Variants in RBMXL3 observed in about 807,000 individuals in gnomAD.
The protein encoded by RBMXL3 is RBMX like 3.
RBMXL3 carries 2 observed loss-of-function variants against 0.8 expected under a neutral mutation model. That is an observed-to-expected ratio of 2.54 (90% CI 1.04 to 8.00). The LOEUF is 8.00. RBMXL3 is among the 30% of genes most tolerant of loss of function. The probability of loss-of-function intolerance (pLI) is 0.04; values close to 1 mark genes in which losing one functional copy is unlikely to be tolerated. For synonymous variants in RBMXL3, 447 were observed against 449.8 expected (o/e 0.99, Z 0.08); for missense variants, 1,127 against 1,068.0 (o/e 1.06, Z -0.77).
At position 115,192,419 on chromosome X, in the gene RBMXL3, C is replaced by T. The variant is rs1410987125; in HGVS notation, c.2978C>T (p.Ala993Val). 2 of 1,165,076 alleles carry T rather than the reference C, an allele frequency of 1.7e-6. No homozygotes were observed. Among genetic ancestry groups the T allele is most frequent in the Non-Finnish European group, 2.3e-6 (2 of 871,327 alleles). Residue 993 changes from alanine (A) to valine (V), a missense_variant, in exon 1 of 1, where the codon GCC becomes GTC. Transcript: ENST00000424776. ...GAGTACCAGGGCAGCTTGCCTGACG[C>T]CTACAGCGGCGACCACGACAGATCC... ...YEEYQGSLPD[A>V]YSGDHDRSSN...
chrX:115,192,327 G>T lies in RBMXL3; in HGVS notation c.2886G>T (p.Gly962=). The T allele has an allele frequency of 9.3e-7, 1 of 1,079,077 alleles. No individual in the cohort carries two copies. The highest frequency in any genetic ancestry group is 1.9e-5 in the African/African-American group (1 of 53,751). 88.9% of individuals were successfully genotyped at this position (1,079,077 alleles called of 1,213,427 possible). A position where few individuals can be genotyped will look rare whatever the true frequency, so the allele number is the denominator to read the frequency against. The change falls in exon 1 of 1, where the codon GGG becomes GGT. Residue 962 remains glycine (G), a synonymous_variant. Coordinates refer to ENST00000424776, the MANE Select transcript of RBMXL3 (RefSeq NM_001145346.2). ...YRGPSPDAHS[G]GRDSSIKSYG... The stretch of plus-strand genomic sequence containing the variant: ...GCCCCTCGCCTGACGCCCACAGTGG[G>T]GGCCGCGACAGTTCCATCAAGAGTT...
In RBMXL3 at chrX:115,191,690, C is replaced by T. The variant is rs1556559876; in HGVS notation, c.2249C>T (p.Ala750Val). 2 of 1,163,865 alleles carry T rather than the reference C, an allele frequency of 1.7e-6. No individual in the cohort carries two copies. The highest frequency in any genetic ancestry group is 1.1e-6 in the Non-Finnish European group (1 of 872,071). Residue 750 changes from alanine (A) to valine (V), a missense_variant, in exon 1 of 1, where the codon GCC becomes GTC. Physicochemically the swap from Ala to Val is moderately conservative, Grantham distance 64. Coordinates refer to ENST00000424776, the MANE Select transcript of RBMXL3 (RefSeq NM_001145346.2). ...HYGGGGRSLD[A>V]NSSGRLPDAY... is the part of the protein sequence containing the mutation. Reference sequence around the variant, plus strand: ...GGAGGAGGAGGTCGCTCACTCGATGCCAACAGCAGTGGCCGCTTGCCTGAC... The same window carrying T: ...GGAGGAGGAGGTCGCTCACTCGATGTCAACAGCAGTGGCCGCTTGCCTGAC...
Position 115,192,128 on chromosome X carries a change from G to A in RBMXL3, c.2687G>A (p.Ser896Asn), listed in dbSNP as rs924912527. The change falls in exon 1 of 1, where the codon AGT becomes AAT. Residue 896 changes from serine to asparagine, a missense_variant. Physicochemically the swap from Ser to Asn is conservative, Grantham distance 46. Transcript: ENST00000424776. ...YTEAYSRGRD[S>N]FSNSYGRSDH... is the part of the protein sequence containing the mutation. ...GAAGCCTACAGCAGGGGCCGCGACA[G>A]TTTCAGCAACAGCTATGGCCGGAGT... 4 of 1,166,232 alleles carry A rather than the reference G, an allele frequency of 3.4e-6. No homozygotes were observed. Among genetic ancestry groups the A allele is most frequent in the African/African-American group, 1.8e-5 (1 of 55,802 alleles).
At position 115,192,372 on chromosome X, in the gene RBMXL3, CGGA is replaced by C; in HGVS notation, c.2940_2942del (p.Gly981del). 4.3e-6 allele frequency: 5 copies of C among 1,159,043 alleles called. No individual in the cohort carries two copies. The highest frequency in any genetic ancestry group is 4.6e-6 in the Non-Finnish European group (4 of 867,300). On this transcript the variant is annotated inframe_deletion, in exon 1 of 1. Coordinates refer to ENST00000424776, the MANE Select transcript of RBMXL3 (RefSeq NM_001145346.2). ...AGAGTTACGGCCTGAGCGACCGCTA[CGGA>C]GGAGGAGGCCACTACGAGGAGTACC...
chrX:115,190,606 T>C lies in RBMXL3; in HGVS notation c.1165T>C (p.Tyr389His), dbSNP rs2072786801. 9.9e-6 allele frequency: 2 copies of C among 202,411 alleles called. No homozygotes were observed. The highest frequency in any genetic ancestry group is 1.6e-5 in the Non-Finnish European group (2 of 125,546). The allele number at this position is 202,411 out of a possible 1,213,427, so 16.7% of individuals were successfully genotyped here. ...RSDRYGEEGC[Y>H]EEYRGRSPDA... ...TGACCGCTACGGAGAAGAAGGCTGCTACGAGGAGTACAGAGGCCGCTCGCC... is the reference window on the plus strand; with the variant it reads ...TGACCGCTACGGAGAAGAAGGCTGCCACGAGGAGTACAGAGGCCGCTCGCC... The change falls in exon 1 of 1, where the codon TAC (tyrosine) becomes CAC (histidine). Residue 389 changes from tyrosine to histidine, a missense_variant. Tyr to His is a moderately conservative substitution (Grantham distance 83). Transcript: ENST00000424776.
rs868908263 is a variant in RBMXL3 at position 115,190,814 on chromosome X, G to T, written c.1373G>T (p.Ser458Ile). 1.7e-6 allele frequency: 2 copies of T among 1,155,378 alleles called. No individual in the cohort carries two copies. The highest frequency in any genetic ancestry group is 3.6e-5 in the African/African-American group (2 of 55,240). Reference protein sequence around the residue: ...SDDAYSGGHDSSSWSDCCGGG... With the variant: ...SDDAYSGGHDISSWSDCCGGG... ...GACGCCTACAGTGGGGGCCATGACAGTTCCAGCTGGAGCGACTGCTGCGGA... is the reference window on the plus strand; with the variant it reads ...GACGCCTACAGTGGGGGCCATGACATTTCCAGCTGGAGCGACTGCTGCGGA... The change falls in exon 1 of 1, where the codon AGT (serine) becomes ATT (isoleucine). Residue 458 changes from serine (S) to isoleucine (I), a missense_variant. Coordinates refer to ENST00000424776, the MANE Select transcript of RBMXL3 (RefSeq NM_001145346.2).
At position 115,192,621 on chromosome X, in the gene RBMXL3, G is replaced by A; in HGVS notation, c.3180G>A (p.Arg1060=). The stretch of plus-strand genomic sequence containing the variant: ...GCCGTCAAGGAGGCCGCTTCGAGAG[G>A]GGGGAAGGCCGGAGCAGATACTAAG... ...GGGRQGGRFE[R]GEGRSRY The change falls in exon 1 of 1, where the codon AGG becomes AGA. Residue 1060 remains arginine (R), a synonymous_variant. Coordinates refer to ENST00000424776, the MANE Select transcript of RBMXL3 (RefSeq NM_001145346.2). The A allele has an allele frequency of 1.7e-6, 2 of 1,170,701 alleles. No homozygotes were observed. Among genetic ancestry groups the A allele is most frequent in the Non-Finnish European group, 2.3e-6 (2 of 874,457 alleles).
Position 115,191,880 on chromosome X carries a change from A to T in RBMXL3, c.2439A>T (p.Arg813Ser), listed in dbSNP as rs1332681132. Residue 813 changes from arginine (R) to serine (S), a missense_variant, in exon 1 of 1, where the codon AGA becomes AGT. Physicochemically the swap from Arg to Ser is moderately radical, Grantham distance 110 (BLOSUM62 -1). Coordinates refer to ENST00000424776, the MANE Select transcript of RBMXL3 (RefSeq NM_001145346.2). ...GTTCCAGCCGGAACGACCCCTGCAG[A>T]GGAGGAGGCCGCTACGAGGAGAACC... ...HNSSSRNDPC[R>S]GGGRYEENRG... 6.9e-6 allele frequency: 8 copies of T among 1,159,227 alleles called. No homozygotes were observed. In the East Asian group the frequency reaches 2.3e-4, roughly 33 times the overall value.
Position 115,191,890 on chromosome X carries a change from C to T in RBMXL3, c.2449C>T (p.Arg817Cys), listed in dbSNP as rs782772532. Reference protein sequence around the residue: ...SRNDPCRGGGRYEENRGHSLD... With the variant: ...SRNDPCRGGGCYEENRGHSLD... ...GAACGACCCCTGCAGAGGAGGAGGCCGCTACGAGGAGAACCGAGGTCACTC... is the reference window on the plus strand; with the variant it reads ...GAACGACCCCTGCAGAGGAGGAGGCTGCTACGAGGAGAACCGAGGTCACTC... The change falls in exon 1 of 1, where the codon CGC becomes TGC. Residue 817 changes from arginine to cysteine, a missense_variant. Physicochemically the swap from Arg to Cys is radical, Grantham distance 180. Transcript: ENST00000424776. 6.9e-6 allele frequency: 8 copies of T among 1,162,673 alleles called. No homozygotes were observed. Among genetic ancestry groups the T allele is most frequent in the African/African-American group, 3.7e-5 (2 of 54,550 alleles).
chrX:115,189,704 C>T lies in RBMXL3; in HGVS notation c.263C>T (p.Ala88Val). 8.6e-7 allele frequency: 1 copy of T among 1,167,768 alleles called. No homozygotes were observed. Among genetic ancestry groups the T allele is most frequent in the Non-Finnish European group, 1.1e-6 (1 of 873,060 alleles). Residue 88 changes from alanine (A) to valine (V), a missense_variant, in exon 1 of 1, where the codon GCA becomes GTA. Ala to Val is a moderately conservative substitution (Grantham distance 64). Transcript: ENST00000424776. ...ATGGTGGCCCAGACCATCAAACCGGCATTCAAGAGCAGCCGATGGGTCCCG... is the reference window on the plus strand; with the variant it reads ...ATGGTGGCCCAGACCATCAAACCGGTATTCAAGAGCAGCCGATGGGTCCCG... ...AIMVAQTIKP[A>V]FKSSRWVPPT...
chrX:115,192,239 CCAA>C lies in RBMXL3; in HGVS notation c.2804_2806del (p.Asn935del), dbSNP rs781912579. ...GGCGGGGGCCGCGGCCTCAACAGTT[CCAA>C]CAACAGTCATGGCCGGAGCCACCGC... is the stretch of plus-strand genomic sequence containing the variant. On this transcript the variant is annotated inframe_deletion, in exon 1 of 1. Coordinates refer to ENST00000424776, the MANE Select transcript of RBMXL3 (RefSeq NM_001145346.2). The C allele has an allele frequency of 1.7e-6, 2 of 1,155,549 alleles. No homozygotes were observed. Among genetic ancestry groups the C allele is most frequent in the African/African-American group, 1.8e-5 (1 of 54,588 alleles).
chrX:115,189,945 G>A lies in RBMXL3; in HGVS notation c.504G>A (p.Ser168=), dbSNP rs12848233. 5.5e-5 allele frequency: 64 copies of A among 1,158,994 alleles called. No individual in the cohort carries two copies. The highest frequency in any genetic ancestry group is 4.9e-4 in the Admixed American group (19 of 38,418). Residue 168 remains serine, a synonymous_variant, in exon 1 of 1, where the codon TCG becomes TCA. Transcript: ENST00000424776. ...ASPPHKRATP[S]SLAHSVGCGM... ...CACCCCACAAGAGGGCCACGCCGTC[G>A]AGCCTGGCTCACAGCGTTGGCTGTG...
In RBMXL3 at chrX:115,191,546, A is replaced by G. The variant is rs1306256760; in HGVS notation, c.2105A>G (p.Tyr702Cys). 23 of 1,113,905 alleles carry G rather than the reference A, an allele frequency of 2.1e-5. No homozygotes were observed. Among genetic ancestry groups the G allele is most frequent in the Non-Finnish European group, 2.4e-5 (20 of 843,941 alleles). 91.8% of individuals were successfully genotyped at this position (1,113,905 alleles called of 1,213,427 possible). The change falls in exon 1 of 1, where the codon TAT (tyrosine) becomes TGT (cysteine). Residue 702 changes from tyrosine to cysteine, a missense_variant. Coordinates refer to ENST00000424776, the MANE Select transcript of RBMXL3 (RefSeq NM_001145346.2). ...GHDSSSQSNR[Y>C]GGGGRYEEYR... ...GACAGTTCCAGCCAGAGCAACCGCT[A>G]TGGAGGAGGCGGCCGCTACGAGGAG...
In RBMXL3 at chrX:115,190,392, G is replaced by A. The variant is rs1470554582; in HGVS notation, c.951G>A (p.Trp317Ter). 9.5e-6 allele frequency: 11 copies of A among 1,161,843 alleles called. No individual in the cohort carries two copies. In the Admixed American group the frequency reaches 1.0e-4, roughly 11 times the overall value. The change falls in exon 1 of 1, where the codon TGG (tryptophan) becomes TGA (stop). Residue 317 changes from tryptophan (W) to a stop codon, truncating the protein, a stop_gained. Coordinates refer to ENST00000424776, the MANE Select transcript of RBMXL3 (RefSeq NM_001145346.2). LOFTEE classifies it low-confidence loss of function (END_TRUNC). ...YGGPCGAAPVWGTPPSYGGGC... is the reference protein window; with the variant it reads ...YGGPCGAAPV ...GCCCATGCGGCGCTGCCCCTGTGTG[G>A]GGGACACCGCCATCTTATGGAGGAG...
Position 115,191,135 on chromosome X carries a change from G to C in RBMXL3, c.1694G>C (p.Gly565Ala). ...GGCCGCTCGCATGACGCCCACAGTG[G>C]GGGCTGCTCTGCCGACGCCTACAGT... ...YRGRSHDAHS[G>A]GCSADAYSGG... Residue 565 changes from glycine (G) to alanine (A), a missense_variant, in exon 1 of 1, where the codon GGG becomes GCG. Physicochemically the swap from Gly to Ala is moderately conservative, Grantham distance 60. Transcript: ENST00000424776. The C allele has an allele frequency of 8.6e-7, 1 of 1,166,990 alleles. No homozygotes were observed. The highest frequency in any genetic ancestry group is 1.1e-6 in the Non-Finnish European group (1 of 872,878).
chrX:115,192,779 AT>A lies in RBMXL3; in HGVS notation c.*139del. 1.6e-6 allele frequency: 1 copy of A among 634,100 alleles called. No individual in the cohort carries two copies. Among genetic ancestry groups the A allele is most frequent in the Non-Finnish European group, 2.4e-6 (1 of 418,309 alleles). 52.3% of individuals were successfully genotyped at this position (634,100 alleles called of 1,213,427 possible). A position where few individuals can be genotyped will look rare whatever the true frequency, so the allele number is the denominator to read the frequency against. ...TTAAGAATTTCCTGTTAAGATCTCCATTTTTATGCTTTTGTGAGGAAAAACT... is the reference window on the plus strand; with the variant it reads ...TTAAGAATTTCCTGTTAAGATCTCCATTTTATGCTTTTGTGAGGAAAAACT... On this transcript the variant is annotated 3_prime_UTR_variant, in exon 1 of 1. Coordinates refer to ENST00000424776, the MANE Select transcript of RBMXL3 (RefSeq NM_001145346.2).
rs1556558778 is a variant in RBMXL3, at chrX:115,191,131, A to G, written c.1690A>G (p.Ser564Gly). 2 of 1,166,686 alleles carry G rather than the reference A, an allele frequency of 1.7e-6. No homozygotes were observed. The highest frequency in any genetic ancestry group is 1.1e-6 in the Non-Finnish European group (1 of 872,849). ...EYRGRSHDAH[S>G]GGCSADAYSG... Reference sequence around the variant, plus strand: ...CCGAGGCCGCTCGCATGACGCCCACAGTGGGGGCTGCTCTGCCGACGCCTA... The same window carrying G: ...CCGAGGCCGCTCGCATGACGCCCACGGTGGGGGCTGCTCTGCCGACGCCTA... The change falls in exon 1 of 1, where the codon AGT becomes GGT. Residue 564 changes from serine to glycine, a missense_variant. Physicochemically the swap from Ser to Gly is moderately conservative, Grantham distance 56 (BLOSUM62 0). Transcript: ENST00000424776.
In RBMXL3 at chrX:115,192,163, G is replaced by C; in HGVS notation, c.2722G>C (p.Gly908Arg). ...CAGCTATGGCCGGAGTGACCATTAC[G>C]GAAGAGGAGGCTGCTACGAGGAATA... is the stretch of plus-strand genomic sequence containing the variant. Reference protein sequence around the residue: ...SNSYGRSDHYGRGGCYEEYQG... With the variant: ...SNSYGRSDHYRRGGCYEEYQG... The change falls in exon 1 of 1, where the codon GGA becomes CGA. Residue 908 changes from glycine (G) to arginine (R), a missense_variant. Gly to Arg is a moderately radical substitution (Grantham distance 125). Coordinates refer to ENST00000424776, the MANE Select transcript of RBMXL3 (RefSeq NM_001145346.2). The C allele has an allele frequency of 8.6e-7, 1 of 1,166,912 alleles. No individual in the cohort carries two copies. Among genetic ancestry groups the C allele is most frequent in the Non-Finnish European group, 1.1e-6 (1 of 872,816 alleles).
Position 115,191,448 on chromosome X carries a change from C to G in RBMXL3, c.2007C>G (p.Tyr669Ter). 1 of 1,141,583 alleles carries G rather than the reference C, an allele frequency of 8.8e-7. No individual in the cohort carries two copies. The highest frequency in any genetic ancestry group is 1.9e-5 in the African/African-American group (1 of 52,261). 94.1% of individuals were successfully genotyped at this position (1,141,583 alleles called of 1,213,427 possible). A position where few individuals can be genotyped will look rare whatever the true frequency, so the allele number is the denominator to read the frequency against. ...ACTGCTACGGAGGAGGAGGCCGCTA[C>G]GAGGAGTACCGAGGCCGCTTGCTCG... ...QSNCYGGGGR[Y>*]EEYRGRLLDA... is the part of the protein sequence containing the mutation. The change falls in exon 1 of 1, where the codon TAC (tyrosine) becomes TAG (stop). Residue 669 changes from tyrosine to a stop codon, truncating the protein, a stop_gained. Transcript: ENST00000424776. LOFTEE classifies it low-confidence loss of function (END_TRUNC).
Sources: allele counts gnomAD v4.1 joint callset, GRCh38; gene constraint gnomAD v4.1.1; transcripts MANE v1.5; gene names NCBI Gene and HGNC (gene_info 2026-07-23, HGNC 2026-07-21).